SLC8A1: variants seen among roughly 807,000 people sequenced by gnomAD.
SLC8A1 encodes solute carrier family 8 member A1.
SLC8A1 carries 18 observed loss-of-function variants against 68.3 expected under a neutral mutation model. The ratio of observed to expected loss-of-function variants is 0.26; its 90% CI spans 0.18 to 0.39. SLC8A1 has a LOEUF of 0.39. SLC8A1 is among the 10% of genes least tolerant of loss of function. The pLI is 1.00. For synonymous variants in SLC8A1, 475 were observed against 415.5 expected, an observed-to-expected ratio of 1.14 and a Z score of -1.74; for missense variants, 985 against 1,156.7, an observed-to-expected ratio of 0.85 and a Z score of 2.15.
chr2:40,168,417 G>A (rs2046913772), intron 4 of SLC8A1, among the ~76,000 whole-genome samples: 1 of 152,104 alleles, frequency 6.6e-6, no homozygotes, highest in Non-Finnish European at 1.5e-5. Flanking sequence ...ACAGGGTCAT[G>A]GAAGGGTCAG....
At chr2:40,362,862 G>C (rs918083268) in intron 2 of SLC8A1, among the ~76,000 whole-genome samples, 1 of 151,966 alleles carries the variant, frequency 6.6e-6, no homozygotes. Context: ...GTACTTCTGT[G>C]GATTTCTTGG....
intron 1 of SLC8A1, chr2:40,446,432 G>T (rs1701461190): frequency 6.6e-6 from 1 of 152,178 alleles, no homozygotes; most frequent in South Asian, 2.1e-4. Flanking sequence ...TAAATAAGCT[G>T]GGGCTCTTTG....
At chr2:40,257,086 T>C (rs892742562) in intron 2 of SLC8A1, among the ~76,000 whole-genome samples, 3 of 152,182 alleles carry the variant, frequency 2.0e-5, no homozygotes, top group African/African-American at 4.8e-5. Flanking sequence ...CATATCTGTG[T>C]ATTTATTACA....
chr2:40,298,758 A>C (rs1434574115), intron 2 of SLC8A1, among the ~76,000 whole-genome samples: 2 of 152,238 alleles, frequency 1.3e-5, no homozygotes, highest in Non-Finnish European at 2.9e-5. Context: ...AAACTGTAAA[A>C]GCTTATAGGA....
Position 40,273,549 on chromosome 2 carries a change from G to A in SLC8A1, c.1809-95694C>T, listed in dbSNP as rs753939199. Among the ~76,000 whole-genome samples the A allele has an allele frequency of 4.6e-5, 7 of 152,278 alleles. No homozygotes were observed. In the South Asian group the frequency reaches 1.0e-3, roughly 23 times the overall value. On this transcript the variant is annotated intron_variant, in intron 2 of 7. Coordinates refer to ENST00000406785, the Ensembl canonical transcript of SLC8A1. ...TTGATGTGAGGAGCTTGATTTGAAG[G>A]ACAACCAGTATGGAAAGCCCCAAGG...
chr2:40,440,797 T>C (rs951414601), intron 1 of SLC8A1, among the ~76,000 whole-genome samples: 6 of 152,148 alleles, frequency 3.9e-5, no homozygotes, highest in African/African-American at 1.2e-4. Flanking sequence ...TAAGAGCTAC[T>C]TATGGCAAGC....
chr2:40,175,968 T>C (rs1265484732), intron 3 of SLC8A1: 6 of 450,704 alleles, frequency 1.3e-5, no homozygotes, highest in Non-Finnish European at 2.2e-5. Context: ...CTGTACATTA[T>C]TAGATAACCA....
chr2:40,301,008 G>A (rs1032173320), intron 2 of SLC8A1, among the ~76,000 whole-genome samples: 87 of 152,148 alleles, frequency 5.7e-4, no homozygotes, highest in African/African-American at 2.0e-3. Context: ...GTAAGAAAAT[G>A]TGGTTGATCC....
chr2:40,495,619 C>T (rs552318293), intron 1 of SLC8A1, among the ~76,000 whole-genome samples: 1 of 151,994 alleles, frequency 6.6e-6, no homozygotes, highest in South Asian at 2.1e-4. Context: ...ATCTACCAAT[C>T]TATTATCTTG....
chr2:40,212,281 A>ACGTTTTT (rs2056727012), intron 2 of SLC8A1, among the ~76,000 whole-genome samples: 1 of 118,212 alleles, frequency 8.5e-6, no homozygotes, highest in Non-Finnish European at 1.8e-5. Context: ...GAGATGCAAT[A>ACGTTTTT]TCTTTTTTTT....
chr2:40,444,047 G>A (rs761500530), intron 1 of SLC8A1, among the ~76,000 whole-genome samples: 11 of 152,196 alleles, frequency 7.2e-5, no homozygotes, highest in East Asian at 3.9e-4. Flanking sequence ...GCCCTTAAAC[G>A]TCATCTAGGC....
chr2:40,165,033 G>C (rs779783736), intron 4 of SLC8A1, 49 bp from the exon 8 acceptor site: 2 of 1,607,920 alleles, frequency 1.2e-6, no homozygotes, highest in Admixed American at 1.7e-5. Context: ...TGTTTAATTT[G>C]GAAATCCCTG....
intron 2 of SLC8A1, among the ~76,000 whole-genome samples, chr2:40,264,645 A>C (rs1233492477): frequency 1.3e-5 from 2 of 152,208 alleles, no homozygotes; most frequent in African/African-American, 4.8e-5. Context: ...GTGGGAATTG[A>C]ACAATGAGAA....
At chr2:40,119,719 T>C (rs977634220) in intron 7 of SLC8A1, among the ~76,000 whole-genome samples, 1 of 152,242 alleles carries the variant, frequency 6.6e-6, no homozygotes, top group Non-Finnish European at 1.5e-5. Context: ...TAATAACACA[T>C]GTATTTTTTC....
At chr2:40,374,513 T>C (rs943892705) in intron 2 of SLC8A1, among the ~76,000 whole-genome samples, 10 of 152,080 alleles carry the variant, frequency 6.6e-5, no homozygotes, top group East Asian at 3.9e-4. Context: ...ACATTTTGCA[T>C]AGGGGTGACT....
At position 40,200,205 on chromosome 2, in the gene SLC8A1, T is replaced by A. The variant is rs1178090421; in HGVS notation, c.1809-22350A>T. 5.2e-4 allele frequency among the ~76,000 whole-genome samples: 15 copies of A among 28,942 alleles called. 3 individuals carry two copies. The highest frequency in any genetic ancestry group is 1.4e-3 in the African/African-American group (13 of 9,240). 19.0% of individuals were successfully genotyped at this position (28,942 alleles called of 152,430 possible). On this transcript the variant is annotated intron_variant, in intron 2 of 7. Transcript: ENST00000406785. ...ATATATATATATTTATATATATATA[T>A]AAATATATATATATTTTTTTATATA... is the stretch of plus-strand genomic sequence containing the variant.
chr2:40,355,780 T>C (rs1247619756), intron 2 of SLC8A1, among the ~76,000 whole-genome samples: 1 of 152,216 alleles, frequency 6.6e-6, no homozygotes, highest in Non-Finnish European at 1.5e-5. Flanking sequence ...CCAAGAGTTC[T>C]GTTTCTTTGG....
intron 2 of SLC8A1, among the ~76,000 whole-genome samples, chr2:40,279,353 A>T (rs1293604096): frequency 6.6e-6 from 1 of 152,250 alleles, no homozygotes; most frequent in Non-Finnish European, 1.5e-5. Flanking sequence ...GATTTTTGAA[A>T]GAAGCGATTT....
In SLC8A1 at chr2:40,177,782, C is replaced by A; in HGVS notation, c.1882G>T (p.Glu628Ter). 6.4e-7 allele frequency: 1 copy of A among 1,550,822 alleles called. No homozygotes were observed. The highest frequency in any genetic ancestry group is 1.2e-5 in the South Asian group (1 of 84,010). Residue 628 changes from glutamate (E) to a stop codon, truncating the protein, a stop_gained, in exon 3 of 8, where the codon GAA becomes TAA. Transcript: ENST00000406785. LOFTEE classifies it high-confidence loss of function. ...ATTCCTCTTCTTATCCATTTTGGTT[C>A]CTCAAGCACAAGGGAGAAACTGCAC...
Sources: allele counts gnomAD v4.1 joint callset (sites outside exome capture counted in the v4.1 genomes callset), GRCh38; gene constraint gnomAD v4.1.1; transcripts MANE v1.5; gene names NCBI Gene and HGNC (gene_info 2026-07-23, HGNC 2026-07-21).